MAP3K13: variants seen among roughly 807,000 people sequenced by gnomAD.
MAP3K13 encodes the protein mitogen-activated protein kinase kinase kinase 13, also known as leucine zipper-bearing kinase.
A neutral mutation model predicts 104.0 loss-of-function variants in MAP3K13; 52 were observed. The ratio of observed to expected loss-of-function variants is 0.50; its 90% CI spans 0.40 to 0.63. The LOEUF is 0.63. MAP3K13 is among the 20% of genes least tolerant of loss of function. The probability of loss-of-function intolerance (pLI) is 0.00; values close to 1 mark genes in which losing one functional copy is unlikely to be tolerated. For synonymous variants in MAP3K13, 394 were observed against 442.2 expected (o/e 0.89, Z 1.37); for missense variants, 914 against 1,218.5 (o/e 0.75, Z 3.72).
chr3:185,299,941 A>G (rs907600458), intron 2 of MAP3K13, among the ~76,000 whole-genome samples: 2 of 151,048 alleles, frequency 1.3e-5, no homozygotes, highest in Non-Finnish European at 2.9e-5. Context: ...GTTGTGAAAC[A>G]GATCTCTAGA....
chr3:185,471,621 G>A (rs1003698883), intron 10 of MAP3K13, among the ~76,000 whole-genome samples: 1 of 151,708 alleles, frequency 6.6e-6, no homozygotes, highest in African/African-American at 2.4e-5. Context: ...CACCACGCCT[G>A]GCTAATTTTT....
intron 4 of MAP3K13, among the ~76,000 whole-genome samples, chr3:185,446,686 G>A (rs747197193): frequency 3.3e-5 from 5 of 152,112 alleles, no homozygotes; most frequent in Non-Finnish European, 5.9e-5. Flanking sequence ...TTCCTTATCA[G>A]CACTAGTGAA....
chr3:185,359,955 C>G (rs1245202402), upstream of MAP3K13, among the ~76,000 whole-genome samples: 1 of 150,582 alleles, frequency 6.6e-6, no homozygotes, highest in African/African-American at 2.4e-5. Context: ...AAAAAAAACT[C>G]CAAAACAAGA....
intron 2 of MAP3K13, among the ~76,000 whole-genome samples, chr3:185,342,601 T>C (rs758738649): frequency 1.3e-5 from 2 of 152,236 alleles, no homozygotes; most frequent in Non-Finnish European, 2.9e-5. Context: ...ATGTTTGTTA[T>C]GTTACTCACT....
intron 2 of MAP3K13, among the ~76,000 whole-genome samples, chr3:185,435,635 C>T (rs150752786): frequency 1.2e-4 from 19 of 152,282 alleles, no homozygotes; most frequent in African/African-American, 4.1e-4. Context: ...ACCTTTAATA[C>T]TGCTCATATC....
intron 10 of MAP3K13, among the ~76,000 whole-genome samples, chr3:185,468,416 TG>T: frequency 6.6e-6 from 1 of 152,334 alleles, no homozygotes; most frequent in Non-Finnish European, 1.5e-5. Flanking sequence ...ATATTTGCCT[TG>T]TATTAGTTTA....
intron 7 of MAP3K13, among the ~76,000 whole-genome samples, chr3:185,461,614 G>A (rs1234460333): frequency 2.0e-5 from 3 of 152,040 alleles, no homozygotes; most frequent in Non-Finnish European, 2.9e-5. Flanking sequence ...CCAGGCTGGA[G>A]TGCAATGGCA....
chr3:185,480,405 C>A lies in MAP3K13; in HGVS notation c.2675C>A (p.Thr892Lys). The stretch of plus-strand genomic sequence containing the variant: ...AAGCTAGACGACCTGCTGTCCCAGA[C>A]GCCAGAGATTCCCATTGACATATCC... ...AEKLDDLLSQTPEIPIDISSH... is the reference protein window; with the variant it reads ...AEKLDDLLSQKPEIPIDISSH... The change falls in exon 13 of 14, where the codon ACG becomes AAG. Residue 892 changes from threonine (T) to lysine (K), a missense_variant. Around this residue, in one of 3 missense-constraint regions of MAP3K13, gnomAD observed 583 missense variants for 737.4 expected, o/e 0.79. Transcript: ENST00000265026. 15 of 1,614,182 alleles carry A rather than the reference C, an allele frequency of 9.3e-6. No homozygotes were observed. The highest frequency in any genetic ancestry group is 1.3e-5 in the Non-Finnish European group (15 of 1,180,036).
rs752965558 is a variant in MAP3K13, at chr3:185,428,681, A to G, written c.100A>G (p.Met34Val). Reference sequence around the variant, plus strand: ...TGGACTACAAGATGAGCTCACAGCTATGGGGAACCACCCTTCTCCCAAGCT... The same window carrying G: ...TGGACTACAAGATGAGCTCACAGCTGTGGGGAACCACCCTTCTCCCAAGCT... ...FNGLQDELTA[M>V]GNHPSPKLLE... The change falls in exon 2 of 14, where the codon ATG (methionine) becomes GTG (valine). Residue 34 changes from methionine to valine, a missense_variant. Coordinates refer to ENST00000265026, the MANE Select transcript of MAP3K13 (RefSeq NM_004721.5). The G allele has an allele frequency of 8.1e-6, 13 of 1,614,076 alleles. No homozygotes were observed. Among genetic ancestry groups the G allele is most frequent in the South Asian group, 1.1e-5 (1 of 91,084 alleles).
chr3:185,336,730 G>T (rs1475509032), intron 2 of MAP3K13, among the ~76,000 whole-genome samples: 1 of 150,248 alleles, frequency 6.7e-6, no homozygotes, highest in South Asian at 2.1e-4. Flanking sequence ...AAGTTAAAAG[G>T]CTTTAACTTT....
intron 3 of MAP3K13, among the ~76,000 whole-genome samples, chr3:185,439,471 G>A (rs1715212219): frequency 6.6e-6 from 1 of 152,042 alleles, no homozygotes; most frequent in African/African-American, 2.4e-5. Flanking sequence ...TTACTACACT[G>A]AGACCATCTT....
At chr3:185,395,118 A>G (rs1421660311) in intron 1 of MAP3K13, among the ~76,000 whole-genome samples, 1 of 152,038 alleles carries the variant, frequency 6.6e-6, no homozygotes, top group Non-Finnish European at 1.5e-5. Flanking sequence ...AGTTTTTTCA[A>G]TATAATTTCT....
At chr3:185,334,344 A>G (rs1240750791) in intron 2 of MAP3K13, among the ~76,000 whole-genome samples, 1 of 152,212 alleles carries the variant, frequency 6.6e-6, no homozygotes, top group African/African-American at 2.4e-5. Flanking sequence ...TACAAAAGAT[A>G]TACAATAGCT....
intron 2 of MAP3K13, among the ~76,000 whole-genome samples, chr3:185,355,002 G>A (rs900837343): frequency 6.6e-6 from 1 of 151,980 alleles, no homozygotes; most frequent in African/African-American, 2.4e-5. Context: ...ATCTTCCCGG[G>A]GCCCTAATTT....
intron 1 of MAP3K13, among the ~76,000 whole-genome samples, chr3:185,365,873 TCCC>T (rs1560067515): frequency 1.7e-3 from 6 of 3,502 alleles, no homozygotes; most frequent in Non-Finnish European, 3.0e-3. Flanking sequence ...TCCCCTCCCC[TCCC>T]CTCCCCTCCC....
In MAP3K13 at chr3:185,363,344, G is replaced by A. The variant is rs570827172; in HGVS notation, c.-110G>A. ...CTTTTCAAAGCAAGAAAATGGAACA[G>A]CATGTGTAGGAATTCTTCGTTGTTG... On this transcript the variant is annotated 5_prime_UTR_variant, in exon 1 of 14. Transcript: ENST00000265026. 2 of 985,292 alleles carry A rather than the reference G, an allele frequency of 2.0e-6. No individual in the cohort carries two copies. Among genetic ancestry groups the A allele is most frequent in the South Asian group, 4.7e-5 (1 of 21,282 alleles). 61.0% of individuals were successfully genotyped at this position (985,292 alleles called of 1,614,324 possible).
Position 185,404,356 on chromosome 3 carries a change from C to T in MAP3K13, c.-85-24141C>T, listed in dbSNP as rs146572939. The stretch of plus-strand genomic sequence containing the variant: ...CTCTAAGAGGAACTCTTTTGTGGTC[C>T]CCACTGCCAGTGAAGGCAGGGAGGA... On this transcript the variant is annotated intron_variant, in intron 1 of 13. Transcript: ENST00000265026. Among the ~76,000 whole-genome samples the T allele has an allele frequency of 1.1e-4, 17 of 152,186 alleles. No homozygotes were observed. The East Asian group carries it at 3.1e-3, about 28-fold the overall frequency.
intron 10 of MAP3K13, among the ~76,000 whole-genome samples, chr3:185,467,727 G>A (rs1266675269): frequency 6.7e-6 from 1 of 149,682 alleles, no homozygotes; most frequent in South Asian, 2.1e-4. Flanking sequence ...AGGTTGCAGT[G>A]AGCTGAGATC....
chr3:185,458,803 C>T (rs895248027), intron 7 of MAP3K13, among the ~76,000 whole-genome samples: 4 of 152,170 alleles, frequency 2.6e-5, no homozygotes, highest in African/African-American at 7.2e-5. Flanking sequence ...TGAGAAAACG[C>T]GGCATTTGTT....
Sources: gnomAD v4.1 joint callset for allele counts (sites outside exome capture counted in the v4.1 genomes callset) on GRCh38, gnomAD v4.1.1 for gene constraint, gnomAD v4.1.1 regional missense constraint, MANE v1.5 for transcripts, NCBI Gene and HGNC (gene_info 2026-07-23, HGNC 2026-07-21) for gene names.